BZW2: variants seen among roughly 807,000 people sequenced by gnomAD.
BZW2 encodes the protein basic leucine zipper and W2 domains 2.
Under a neutral mutation model 53.2 loss-of-function variants are expected in BZW2, and 23 were observed. That is an observed-to-expected ratio of 0.43 (90% CI 0.31 to 0.61). The LOEUF (loss-of-function observed/expected upper bound fraction) is 0.61. Ranked by LOEUF, BZW2 falls within the 20% of genes least tolerant of loss-of-function variation. The pLI, the probability that BZW2 is intolerant of heterozygous loss-of-function variation, is 0.09. For synonymous variants in BZW2, 227 were observed against 186.4 expected (o/e 1.22, Z -1.77); for missense variants, 409 against 503.1 (o/e 0.81, Z 1.79).
Position 16,697,070 on chromosome 7 carries a change from C to A in BZW2, c.969+9C>A. 6.2e-7 allele frequency: 1 copy of A among 1,612,840 alleles called. No homozygotes were observed. The highest frequency in any genetic ancestry group is 8.5e-7 in the Non-Finnish European group (1 of 1,179,558). On this transcript the variant is annotated intron_variant, in intron 9 of 11. Coordinates refer to ENST00000258761, the MANE Select transcript of BZW2 (RefSeq NM_014038.3). The stretch of plus-strand genomic sequence containing the variant: ...CTCTGAAGCACCTGAAGGTAACAGC[C>A]CTTAGCAAGGAACTGACCCAGCCAA...
intron 6 of BZW2, among the ~76,000 whole-genome samples, chr7:16,689,402 G>A (rs1170079734): frequency 6.6e-6 from 1 of 151,990 alleles, no homozygotes; most frequent in Non-Finnish European, 1.5e-5. Context: ...TTACAGTTTT[G>A]TGTCTCCTAA....
At chr7:16,656,150 T>TATATATATAC (rs143994492) in intron 1 of BZW2, among the ~76,000 whole-genome samples, 5 of 150,258 alleles carry the variant, frequency 3.3e-5, no homozygotes, top group African/African-American at 1.2e-4. Context: ...TATATATATA[T>TATATATATAC]ACATAAATAT....
chr7:16,699,543 CTAGT>C (rs1402808827), intron 10 of BZW2, among the ~76,000 whole-genome samples: 4 of 152,180 alleles, frequency 2.6e-5, no homozygotes, highest in African/African-American at 7.2e-5. Context: ...TGTTCGTAAA[CTAGT>C]TAGTTACCTG....
intron 1 of BZW2, among the ~76,000 whole-genome samples, chr7:16,650,114 A>C (rs537050582): frequency 6.6e-5 from 10 of 152,220 alleles, no homozygotes; most frequent in Non-Finnish European, 1.2e-4. Flanking sequence ...GTGTTAAAAC[A>C]GTTACACCTA....
intron 2 of BZW2, among the ~76,000 whole-genome samples, chr7:16,673,603 C>A (rs1782676091): frequency 6.6e-6 from 1 of 151,990 alleles, no homozygotes; most frequent in South Asian, 2.1e-4. Context: ...ATTGAACCTC[C>A]ATAAACAAAA....
chr7:16,692,398 A>C (rs1023271812), intron 7 of BZW2, among the ~76,000 whole-genome samples: 2 of 152,178 alleles, frequency 1.3e-5, no homozygotes, highest in African/African-American at 2.4e-5. Context: ...TCCTTCATGA[A>C]GCTTATATTC....
intron 1 of BZW2, among the ~76,000 whole-genome samples, chr7:16,650,220 T>G (rs1217296697): frequency 2.0e-5 from 3 of 152,234 alleles, no homozygotes; most frequent in Non-Finnish European, 4.4e-5. Flanking sequence ...GTGGCATTAC[T>G]CAGTGCTTGT....
At chr7:16,689,255 A>C (rs1428529252) in intron 6 of BZW2, among the ~76,000 whole-genome samples, 1 of 152,184 alleles carries the variant, frequency 6.6e-6, no homozygotes, top group African/African-American at 2.4e-5. Context: ...ATAAATAAAT[A>C]AAATGCTTTT....
chr7:16,687,384 C>T (rs1345826892), intron 6 of BZW2: 1 of 152,124 alleles, frequency 6.6e-6, no homozygotes, highest in African/African-American at 2.4e-5. Flanking sequence ...CCATCTTTTA[C>T]AAACTAGAGG....
At chr7:16,648,729 C>A (rs1161714761) in intron 1 of BZW2, among the ~76,000 whole-genome samples, 1 of 152,152 alleles carries the variant, frequency 6.6e-6, no homozygotes, top group Non-Finnish European at 1.5e-5. Context: ...AAGGTCACCA[C>A]TCTGCTTGTT....
intron 1 of BZW2, among the ~76,000 whole-genome samples, chr7:16,662,434 A>G (rs1265903177): frequency 1.3e-5 from 2 of 152,176 alleles, no homozygotes; most frequent in African/African-American, 2.4e-5. Flanking sequence ...AAGTAAGTAT[A>G]AAAGCTAAAC....
chr7:16,705,956 TATGCTGG>T, intron 11 of BZW2, 97 bp from the exon 12 acceptor site: 1 of 1,290,112 alleles, frequency 7.8e-7, no homozygotes, highest in South Asian at 1.2e-5. Flanking sequence ...AGGGTAAAAG[TATGCTGG>T]TGCAATGGCA....
At chr7:16,701,614 T>G (rs1282891137) in intron 10 of BZW2, among the ~76,000 whole-genome samples, 2 of 152,164 alleles carry the variant, frequency 1.3e-5, no homozygotes, top group Non-Finnish European at 2.9e-5. Flanking sequence ...GATCTAAAAT[T>G]TAGCAGTTCT....
chr7:16,646,876 T>G (rs818580), intron 1 of BZW2, among the ~76,000 whole-genome samples: 90,683 of 151,940 alleles, frequency 0.6, 27,574 homozygotes, highest in East Asian at 0.76. Context: ...AGACAGCCTG[T>G]GGGAGGGGGA....
chr7:16,660,286 G>A (rs1234831967), intron 1 of BZW2, among the ~76,000 whole-genome samples: 2 of 151,660 alleles, frequency 1.3e-5, no homozygotes, highest in African/African-American at 2.4e-5. Context: ...CTGGTAGTGT[G>A]CCTGTAGTCC....
chr7:16,703,960 G>A (rs1034520232), intron 10 of BZW2, among the ~76,000 whole-genome samples: 9 of 152,082 alleles, frequency 5.9e-5, no homozygotes, highest in South Asian at 2.1e-4. Flanking sequence ...AAAATAAGTC[G>A]TGATTTAGTG....
At chr7:16,696,243 A>G (rs1164105225) in intron 8 of BZW2, among the ~76,000 whole-genome samples, 1 of 152,224 alleles carries the variant, frequency 6.6e-6, no homozygotes, top group East Asian at 1.9e-4. Context: ...ATTTTATTTT[A>G]AAAGGAAAAA....
At chr7:16,680,646 A>T (rs919727029) in intron 3 of BZW2, among the ~76,000 whole-genome samples, 2 of 152,048 alleles carry the variant, frequency 1.3e-5, no homozygotes, top group Non-Finnish European at 2.9e-5. Context: ...ATCTACAAAA[A>T]TTACAAAAAA....
At chr7:16,705,620 G>T (rs1183638344) in intron 11 of BZW2, among the ~76,000 whole-genome samples, 1 of 149,512 alleles carries the variant, frequency 6.7e-6, no homozygotes, top group Non-Finnish European at 1.5e-5. Context: ...AGGAGGCGGA[G>T]GTTGCAGTGA....
Sources: allele counts gnomAD v4.1 joint callset (sites outside exome capture counted in the v4.1 genomes callset), GRCh38; gene constraint gnomAD v4.1.1; transcripts MANE v1.5; gene names NCBI Gene and HGNC (gene_info 2026-07-23, HGNC 2026-07-21).